Variants in DNAH9 observed in about 807,000 individuals in gnomAD.
DNAH9 encodes the protein DNAH9 variant protein.
Under a neutral mutation model 471.6 loss-of-function variants are expected in DNAH9, and 345 were observed. The ratio of observed to expected loss-of-function variants is 0.73; its 90% CI spans 0.67 to 0.80. The LOEUF is 0.80. Among genes scored for constraint, DNAH9 ranks in the 30% least tolerant of loss-of-function variants. The pLI is 0.00. For synonymous variants in DNAH9, 2,093 were observed against 2,123.6 expected (o/e 0.99, Z 0.40); for missense variants, 5,407 against 5,609.2 (o/e 0.96, Z 1.15).
At position 11,797,727 on chromosome 17, in the gene DNAH9, T is replaced by C. The variant is rs781096621; in HGVS notation, c.8354T>C (p.Leu2785Ser). The C allele has an allele frequency of 1.2e-6, 2 of 1,614,222 alleles. No individual in the cohort carries two copies. Among genetic ancestry groups the C allele is most frequent in the Non-Finnish European group, 1.7e-6 (2 of 1,180,038 alleles). The change falls in exon 43 of 69, where the codon TTG becomes TCG. Residue 2785 changes from leucine (L) to serine (S), a missense_variant. Transcript: ENST00000262442. ...ELLTQTLVEALENHNEVNTVM... is the reference protein window; with the variant it reads ...ELLTQTLVEASENHNEVNTVM... ...TTGACCCAGACTCTGGTGGAGGCCT[T>C]GGAGAACCACAATGAAGTCAACACA...
At position 11,930,156 on chromosome 17, in the gene DNAH9, T is replaced by TG. The variant is rs3217010; in HGVS notation, c.12105+69dup. On this transcript the variant is annotated intron_variant, in intron 63 of 68. Coordinates refer to ENST00000262442, the MANE Select transcript of DNAH9 (RefSeq NM_001372.4). ...CTCACAGTCAGCTGATGCAAACTGG[T>TG]GGGGGGAGAGCATGCAACTCAGAAG... 8,758 of 1,404,482 alleles carry TG rather than the reference T, an allele frequency of 6.2e-3. 180 individuals are homozygous for TG. Among genetic ancestry groups the TG allele is most frequent in the East Asian group, 0.06 (2,553 of 42,542 alleles). The allele number at this position is 1,404,482 out of a possible 1,614,324, so 87.0% of individuals were successfully genotyped here. A position where few individuals can be genotyped will look rare whatever the true frequency, so the allele number is the denominator to read the frequency against.
chr17:11,694,040 C>G, intron 21 of DNAH9, 42 bp downstream of exon 21: 2 of 1,601,106 alleles, frequency 1.2e-6, no homozygotes, highest in Non-Finnish European at 1.7e-6. Context: ...AAGAAGGCAT[C>G]ATTTCCTTTT....
chr17:11,630,880 A>G (rs2073053412), intron 7 of DNAH9, among the ~76,000 whole-genome samples: 1 of 152,204 alleles, frequency 6.6e-6, no homozygotes, highest in African/African-American at 2.4e-5. Flanking sequence ...ACATGTATCA[A>G]AATATCAAGT....
Position 11,902,794 on chromosome 17 carries a change from G to T in DNAH9, c.11482G>T (p.Val3828Leu), listed in dbSNP as rs2151013120. 2 of 1,614,074 alleles carry T rather than the reference G, an allele frequency of 1.2e-6. No individual in the cohort carries two copies. Among genetic ancestry groups the T allele is most frequent in the Middle Eastern group, 1.7e-4 (1 of 6,056 alleles). ...ATCTGCTAAGAGCTGGAAAAAGTTTGTGGAGTCCGAATGTCCTGAGAAAGA... is the reference window on the plus strand; with the variant it reads ...ATCTGCTAAGAGCTGGAAAAAGTTTTTGGAGTCCGAATGTCCTGAGAAAGA... ...EGSAKSWKKF[V>L]ESECPEKEKL... The change falls in exon 60 of 69, where the codon GTG becomes TTG. Residue 3828 changes from valine (V) to leucine (L), a missense_variant. Coordinates refer to ENST00000262442, the MANE Select transcript of DNAH9 (RefSeq NM_001372.4).
Position 11,598,671 on chromosome 17 carries a change from C to A in DNAH9, c.173C>A (p.Ala58Asp). The change falls in exon 1 of 69, where the codon GCC becomes GAC. Residue 58 changes from alanine (A) to aspartate (D), a missense_variant. Ala to Asp is a moderately radical substitution (Grantham distance 126). This residue lies in a region of DNAH9 where 767 missense variants were observed against 692.5 expected (regional missense o/e 1.11). Coordinates refer to ENST00000262442, the MANE Select transcript of DNAH9 (RefSeq NM_001372.4). ...GCTGAGGCGGAGCAGCTGCTCCAGGCCTTCCTGGGCCGCGATGCTGCCGAG... is the reference window on the plus strand; with the variant it reads ...GCTGAGGCGGAGCAGCTGCTCCAGGACTTCCTGGGCCGCGATGCTGCCGAG... ...GSAEAEQLLQ[A>D]FLGRDAAEGP... 5.9e-6 allele frequency: 8 copies of A among 1,362,580 alleles called. No homozygotes were observed. Among genetic ancestry groups the A allele is most frequent in the South Asian group, 1.7e-5 (1 of 58,712 alleles). 84.4% of individuals were successfully genotyped at this position (1,362,580 alleles called of 1,614,324 possible). A position where few individuals can be genotyped will look rare whatever the true frequency, so the allele number is the denominator to read the frequency against.
chr17:11,626,838 G>A lies in DNAH9; in HGVS notation c.1351-2579G>A, dbSNP rs187762513. ...TTCCTAGCTCCTCTATCACCTTGCT[G>A]CTTTTTTTTCTGGAAGTATTATAGG... On this transcript the variant is annotated intron_variant, in intron 6 of 68. Transcript: ENST00000262442. The surrounding 1 kb of genome is among the most constrained non-coding windows in gnomAD (Gnocchi z 4.3). Among the ~76,000 whole-genome samples the A allele has an allele frequency of 6.6e-6, 1 of 151,938 alleles. No individual in the cohort carries two copies. The highest frequency in any genetic ancestry group is 1.9e-4 in the East Asian group (1 of 5,164).
intron 22 of DNAH9, among the ~76,000 whole-genome samples, chr17:11,697,059 C>T (rs918627893): frequency 2.6e-5 from 4 of 152,004 alleles, no homozygotes; most frequent in African/African-American, 7.2e-5. Flanking sequence ...TTTGTAGAGA[C>T]GGGGTCTTGC....
intron 38 of DNAH9, among the ~76,000 whole-genome samples, chr17:11,775,705 C>T (rs965640027): frequency 1.4e-5 from 2 of 148,078 alleles, no homozygotes; most frequent in Non-Finnish European, 3.0e-5. Context: ...CCTGGGTTCA[C>T]GCCATTCTCC....
At chr17:11,828,428 G>A (rs909214185) in intron 48 of DNAH9, among the ~76,000 whole-genome samples, 10 of 140,428 alleles carry the variant, frequency 7.1e-5, no homozygotes, top group Non-Finnish European at 1.2e-4. Flanking sequence ...AGCTGAGATC[G>A]CACCATTGCA....
intron 66 of DNAH9, among the ~76,000 whole-genome samples, chr17:11,939,633 C>T (rs1386563736): frequency 6.6e-6 from 1 of 152,184 alleles, no homozygotes; most frequent in African/African-American, 2.4e-5. Context: ...AGTCAAAGCC[C>T]AGAGAGTATT....
At chr17:11,818,877 C>CATTATT (rs1367513775) in intron 45 of DNAH9, among the ~76,000 whole-genome samples, 30 of 132,504 alleles carry the variant, frequency 2.3e-4, no homozygotes, top group Admixed American at 1.1e-3. Flanking sequence ...AGTCTGTCTC[C>CATTATT]ATTATTACTA....
chr17:11,891,226 G>T (rs115287030), intron 57 of DNAH9, among the ~76,000 whole-genome samples: 1 of 152,112 alleles, frequency 6.6e-6, no homozygotes, highest in East Asian at 1.9e-4. Context: ...GCAAGGACTC[G>T]TCTTATCACT....
intron 32 of DNAH9, among the ~76,000 whole-genome samples, chr17:11,749,074 G>GTTTTTTTTTT (rs375847017): frequency 8.1e-5 from 4 of 49,134 alleles, no homozygotes; most frequent in Non-Finnish European, 1.7e-4. Flanking sequence ...GTTTTTTTTT[G>GTTTTTTTTTT]TTTTTTTTTT....
rs1315709079 is a variant in DNAH9, at chr17:11,768,538, A to G, written c.7256A>G (p.Asp2419Gly). The G allele has an allele frequency of 1.2e-6, 2 of 1,614,022 alleles. No individual in the cohort carries two copies. Among genetic ancestry groups the G allele is most frequent in the Admixed American group, 1.7e-5 (1 of 59,998 alleles). ...TTTCCTTCCCAAGGAACCATCTTTG[A>G]CTATTACATCGACCCAGAGACCAAG... ...VKFPSQGTIF[D>G]YYIDPETKKF... Residue 2419 changes from aspartate to glycine, a missense_variant, in exon 37 of 69, where the codon GAC (aspartate) becomes GGC (glycine). Physicochemically the swap from Asp to Gly is moderately conservative, Grantham distance 94. Transcript: ENST00000262442.
At position 11,752,976 on chromosome 17, in the gene DNAH9, A is replaced by G. The variant is rs1326988046; in HGVS notation, c.6738+16A>G. The G allele has an allele frequency of 2.6e-6, 4 of 1,566,082 alleles. No individual in the cohort carries two copies. Among genetic ancestry groups the G allele is most frequent in the Non-Finnish European group, 3.5e-6 (4 of 1,156,176 alleles). ...TGATAACAAGGTATGAAATTGGGGG[A>G]TATCCCTAGATCATTTCTAATCACC... On this transcript the variant is annotated intron_variant, in intron 33 of 68. Transcript: ENST00000262442.
At chr17:11,720,416 A>C (rs901640555) in intron 27 of DNAH9, among the ~76,000 whole-genome samples, 1 of 151,758 alleles carries the variant, frequency 6.6e-6, no homozygotes, top group Non-Finnish European at 1.5e-5. Flanking sequence ...ACCCCACGAC[A>C]GGCCCTGGTA....
At chr17:11,732,478 C>T (rs1016737528) in intron 28 of DNAH9, among the ~76,000 whole-genome samples, 2 of 151,946 alleles carry the variant, frequency 1.3e-5, no homozygotes, top group Non-Finnish European at 2.9e-5. Flanking sequence ...CCTCCCCTCT[C>T]CTCCTCTCCA....
intron 4 of DNAH9, among the ~76,000 whole-genome samples, chr17:11,613,247 C>T (rs2072673959): frequency 6.6e-6 from 1 of 152,142 alleles, no homozygotes; most frequent in Admixed American, 6.6e-5. Context: ...GTTTACACTT[C>T]CAGGAGACAG....
At position 11,708,053 on chromosome 17, in the gene DNAH9, A is replaced by AGC. The variant is rs1555570537; in HGVS notation, c.5552+2869_5552+2870insCG. Among the ~76,000 whole-genome samples the AGC allele has an allele frequency of 1.5e-4, 22 of 147,942 alleles. No homozygotes were observed. In the East Asian group the frequency reaches 2.7e-3, roughly 18 times the overall value. On this transcript the variant is annotated intron_variant, in intron 26 of 68. Coordinates refer to ENST00000262442, the MANE Select transcript of DNAH9 (RefSeq NM_001372.4). ...GAGAGAGAGAGAGAGAGAGAGAGAG[A>AGC]GAGCAGGTAACCCTGACAGAGCCTC...
Sources: gnomAD v4.1 joint callset for allele counts (sites outside exome capture counted in the v4.1 genomes callset) on GRCh38, gnomAD v4.1.1 for gene constraint, gnomAD v4.1.1 regional missense constraint, Gnocchi (gnomAD v3.1) non-coding constraint, MANE v1.5 for transcripts, NCBI Gene and HGNC (gene_info 2026-07-23, HGNC 2026-07-21) for gene names.